The following NUP133 variants were observed in gnomAD, a reference collection of about 807,000 sequenced individuals.
NUP133 encodes the protein nuclear pore complex protein Nup133.
Under a neutral mutation model 146.2 loss-of-function variants are expected in NUP133, and 66 were observed. That is an observed-to-expected ratio of 0.45 (90% CI 0.37 to 0.55). The LOEUF (loss-of-function observed/expected upper bound fraction) is 0.55, where lower values mean the gene tolerates loss of function less well. Among genes scored for constraint, NUP133 ranks in the 20% least tolerant of loss-of-function variants. NUP133 has a pLI of 0.00. For missense variants in NUP133, 1,277 were observed against 1,374.8 expected, an observed-to-expected ratio of 0.93 and a Z score of 1.12; for synonymous variants, 521 against 498.8, an observed-to-expected ratio of 1.04 and a Z score of -0.59.
At chr1:229,462,391 G>A (rs533614865) in intron 19 of NUP133, among the ~76,000 whole-genome samples, 2 of 152,198 alleles carry the variant, frequency 1.3e-5, no homozygotes, top group Non-Finnish European at 2.9e-5. Flanking sequence ...GTTCTCTCTG[G>A]GTGGTGGCAT....
At chr1:229,479,981 A>G (rs1661171203) in intron 12 of NUP133, among the ~76,000 whole-genome samples, 1 of 152,254 alleles carries the variant, frequency 6.6e-6, no homozygotes, top group Non-Finnish European at 1.5e-5. Context: ...AGAAGGAGCC[A>G]GCACGAGAAA....
At chr1:229,475,314 C>T (rs1661050174) in intron 14 of NUP133, among the ~76,000 whole-genome samples, 1 of 152,150 alleles carries the variant, frequency 6.6e-6, no homozygotes, top group African/African-American at 2.4e-5. Flanking sequence ...AAAAGGAATA[C>T]TTTCAATGAG....
chr1:229,460,989 T>C (rs970794172), intron 19 of NUP133, among the ~76,000 whole-genome samples: 4 of 152,256 alleles, frequency 2.6e-5, no homozygotes, highest in Non-Finnish European at 5.9e-5. Flanking sequence ...ACAAGATTAA[T>C]GGCAGAATCT....
chr1:229,484,156 A>C lies in NUP133; in HGVS notation c.1501-11T>G. 6.3e-7 allele frequency: 1 copy of C among 1,590,548 alleles called. No homozygotes were observed. Among genetic ancestry groups the C allele is most frequent in the Non-Finnish European group, 8.6e-7 (1 of 1,160,086 alleles). On this transcript the variant is annotated splice_polypyrimidine_tract_variant and intron_variant, in intron 11 of 25. Transcript: ENST00000261396. ...CTCAAAAATCATACTCTGCAAAATA[A>C]CAAAGTATAGTTTAGAGGTAAAGGC...
Position 229,452,584 on chromosome 1 carries a change from C to T in NUP133, c.3040G>A (p.Ala1014Thr), listed in dbSNP as rs1166383163. 5.0e-6 allele frequency: 8 copies of T among 1,613,986 alleles called. No individual in the cohort carries two copies. The highest frequency in any genetic ancestry group is 6.8e-6 in the Non-Finnish European group (8 of 1,179,908). The change falls in exon 22 of 26, where the codon GCG becomes ACG. Residue 1014 changes from alanine (A) to threonine (T), a missense_variant. Transcript: ENST00000261396. ...HQETLPEQLL[A>T]EKQLNLSAMP... is the part of the protein sequence containing the mutation. ...GCACTGAGATTTAGCTGTTTCTCCG[C>T]CAGCAGCTGTTCAGGTAGGGTCTCC... is the stretch of plus-strand genomic sequence containing the variant.
chr1:229,486,336 C>T, intron 11 of NUP133, 35 bp downstream of exon 11: 2 of 1,544,856 alleles, frequency 1.3e-6, no homozygotes, highest in African/African-American at 1.5e-5. Context: ...AAATAAATAA[C>T]ATAAAAACTT....
chr1:229,492,996 C>T (rs548269462), intron 8 of NUP133, among the ~76,000 whole-genome samples: 80 of 152,236 alleles, frequency 5.3e-4, no homozygotes, highest in Non-Finnish European at 5.4e-4. Flanking sequence ...TCTCTCTCTA[C>T]AATGCCAGGC....
intron 12 of NUP133, among the ~76,000 whole-genome samples, chr1:229,480,278 T>TG (rs1179751480): frequency 6.6e-6 from 1 of 152,196 alleles, no homozygotes; most frequent in Non-Finnish European, 1.5e-5. Flanking sequence ...AGGGCTGTCA[T>TG]GGTCCCTTGG....
At chr1:229,504,263 T>C (rs572818430) in intron 2 of NUP133, among the ~76,000 whole-genome samples, 15 of 152,288 alleles carry the variant, frequency 9.8e-5, no homozygotes, top group African/African-American at 3.6e-4. Context: ...ACTAAACATA[T>C]GAGATGCATT....
chr1:229,471,831 CTG>C (rs1230516309), intron 14 of NUP133, among the ~76,000 whole-genome samples: 1 of 152,068 alleles, frequency 6.6e-6, no homozygotes, highest in East Asian at 1.9e-4. Flanking sequence ...AGGGGTCACA[CTG>C]TATATATTGT....
At chr1:229,484,523 A>G (rs1661299855) in intron 11 of NUP133, among the ~76,000 whole-genome samples, 1 of 152,236 alleles carries the variant, frequency 6.6e-6, no homozygotes, top group South Asian at 2.1e-4. Context: ...CACTATAAAT[A>G]GCATCAAATG....
At chr1:229,497,970 G>A (rs1661698417) in intron 6 of NUP133, among the ~76,000 whole-genome samples, 166 bp downstream of exon 6, 1 of 152,192 alleles carries the variant, frequency 6.6e-6, no homozygotes, top group Non-Finnish European at 1.5e-5. Context: ...GAGAAGGTTA[G>A]TATGATCTCA....
chr1:229,462,322 ATGTT>A (rs1433827822), intron 19 of NUP133, among the ~76,000 whole-genome samples: 10 of 152,244 alleles, frequency 6.6e-5, no homozygotes, highest in Non-Finnish European at 2.9e-5. Flanking sequence ...TTGACAAAAC[ATGTT>A]TGTTTATAAT....
chr1:229,495,470 T>G, intron 8 of NUP133, 25 bp downstream of exon 8: 1 of 1,554,032 alleles, frequency 6.4e-7, no homozygotes, highest in Non-Finnish European at 8.9e-7. Context: ...TTCTCTATGT[T>G]CTTTACGACA....
In NUP133 at chr1:229,441,963, G is replaced by T; in HGVS notation, c.3412C>A (p.Pro1138Thr). Residue 1138 changes from proline to threonine, a missense_variant, in exon 26 of 26, where the codon CCT becomes ACT. Around this residue, in one of 3 missense-constraint regions of NUP133, gnomAD observed 952 missense variants for 1,047.0 expected, o/e 0.91. Transcript: ENST00000261396. ...ADQLGSLKSN[P>T]YFEFVLKANY... ...GCTTTCAAAACAAACTCGAAGTAAG[G>T]ATTGGACTTTAAGCTTCCAAGCTGA... 6.3e-7 allele frequency: 1 copy of T among 1,589,922 alleles called. No individual in the cohort carries two copies. Among genetic ancestry groups the T allele is most frequent in the Non-Finnish European group, 8.5e-7 (1 of 1,173,686 alleles).
At chr1:229,465,077 T>A (rs552900464) in intron 17 of NUP133, among the ~76,000 whole-genome samples, 1 of 152,314 alleles carries the variant, frequency 6.6e-6, no homozygotes, top group South Asian at 2.1e-4. Context: ...TAAACATGAC[T>A]CTTCTTCCTT....
At chr1:229,445,699 A>G (rs1051871599) in intron 24 of NUP133, among the ~76,000 whole-genome samples, 12 of 152,346 alleles carry the variant, frequency 7.9e-5, no homozygotes, top group African/African-American at 2.4e-4. Flanking sequence ...AATGGACATG[A>G]TAACTTTAAA....
chr1:229,454,484 G>C (rs74719874), intron 21 of NUP133, among the ~76,000 whole-genome samples: 1 of 152,162 alleles, frequency 6.6e-6, no homozygotes, highest in African/African-American at 2.4e-5. Context: ...GGCTATCTCC[G>C]GGGAGGTAGG....
At chr1:229,470,881 G>GGGTGCTTCTGGGGA in intron 14 of NUP133, 77 bp from the exon 15 acceptor site, 2 of 1,330,978 alleles carry the variant, frequency 1.5e-6, no homozygotes, top group Non-Finnish European at 2.1e-6. Flanking sequence ...ATTTTCCCCA[G>GGGTGCTTCTGGGGA]AAGCACCCTG....
Sources: gnomAD v4.1 joint callset for allele counts (sites outside exome capture counted in the v4.1 genomes callset) on GRCh38, gnomAD v4.1.1 for gene constraint, gnomAD v4.1.1 regional missense constraint, MANE v1.5 for transcripts, NCBI Gene and HGNC (gene_info 2026-07-23, HGNC 2026-07-21) for gene names.